Variants in FMN2 observed in about 807,000 individuals in gnomAD.
FMN2 encodes the protein formin-2.
In FMN2, 51 loss-of-function variants were observed where a neutral mutation model predicts 142.3. That is an observed-to-expected ratio of 0.36 (90% CI 0.29 to 0.45). FMN2 has a LOEUF of 0.45. Ranked by LOEUF, FMN2 falls within the 20% of genes least tolerant of loss-of-function variation. The probability of loss-of-function intolerance (pLI) is 1.00; values close to 1 mark genes in which losing one functional copy is unlikely to be tolerated. For synonymous variants in FMN2, 882 were observed against 869.8 expected, an observed-to-expected ratio of 1.01 and a Z score of -0.25; for missense variants, 1,936 against 2,122.8, an observed-to-expected ratio of 0.91 and a Z score of 1.73.
chr1:240,243,175 T>C (rs1300528144), intron 6 of FMN2, among the ~76,000 whole-genome samples: 1 of 152,160 alleles, frequency 6.6e-6, no homozygotes, highest in Non-Finnish European at 1.5e-5. Context: ...CCTCTTGCTC[T>C]GCAAAATCTC....
intron 4 of FMN2, among the ~76,000 whole-genome samples, chr1:240,193,684 C>T (rs1230725952): frequency 6.6e-6 from 1 of 152,254 alleles, no homozygotes; most frequent in East Asian, 1.9e-4. Context: ...CTTTCCTTCT[C>T]CCGGGCCTCC....
chr1:240,101,668 G>T (rs1458720692), intron 1 of FMN2, among the ~76,000 whole-genome samples: 1 of 151,328 alleles, frequency 6.6e-6, no homozygotes, highest in African/African-American at 2.4e-5. Context: ...TCAGCTTCCA[G>T]AATAGCTGGG....
In FMN2 at chr1:240,473,083, G is replaced by T. The variant is rs1676864327; in HGVS notation, c.5142+630G>T. On this transcript the variant is annotated intron_variant, in intron 17 of 17. Coordinates refer to ENST00000319653, the MANE Select transcript of FMN2 (RefSeq NM_020066.5). The surrounding 1 kb of genome is among the most constrained non-coding windows in gnomAD (Gnocchi z 4.3). ...TTGTTACACACAGATCACGGCAGAG[G>T]CTGTATTTGAGCCACGAGTGATCAT... Among the ~76,000 whole-genome samples the T allele has an allele frequency of 6.6e-6, 1 of 152,136 alleles. No homozygotes were observed. The highest frequency in any genetic ancestry group is 1.9e-4 in the East Asian group (1 of 5,202).
At chr1:240,205,077 G>C (rs1181646275) in intron 4 of FMN2, among the ~76,000 whole-genome samples, 1 of 152,096 alleles carries the variant, frequency 6.6e-6, no homozygotes, top group Non-Finnish European at 1.5e-5. Context: ...ATCAAGTCTG[G>C]AGTATAAGTG....
chr1:240,357,352 G>A (rs193163195), intron 14 of FMN2, among the ~76,000 whole-genome samples: 80 of 152,262 alleles, frequency 5.3e-4, no homozygotes, highest in African/African-American at 1.7e-3. Context: ...GCAATTTATA[G>A]ACCAGGCATT....
chr1:240,161,983 T>G (rs1289934895), intron 2 of FMN2, among the ~76,000 whole-genome samples: 2 of 151,940 alleles, frequency 1.3e-5, no homozygotes, highest in East Asian at 3.9e-4. Flanking sequence ...TGAAAGTAAA[T>G]GGGCTGGGTG....
chr1:240,347,669 G>GT (rs1221048001), intron 13 of FMN2, among the ~76,000 whole-genome samples: 1 of 152,114 alleles, frequency 6.6e-6, no homozygotes, highest in Admixed American at 6.6e-5. Context: ...CCAACAGGTA[G>GT]TTTTTCAGCT....
At chr1:240,447,042 G>T (rs1264949532) in intron 16 of FMN2, among the ~76,000 whole-genome samples, 3 of 152,194 alleles carry the variant, frequency 2.0e-5, no homozygotes, top group Admixed American at 6.5e-5. Flanking sequence ...GGAAGAGATT[G>T]CCTCCACCTA....
intron 13 of FMN2, among the ~76,000 whole-genome samples, chr1:240,336,636 C>G (rs2103023362): frequency 6.9e-6 from 1 of 145,262 alleles, no homozygotes; most frequent in Admixed American, 7.0e-5. Context: ...CACAGAATCT[C>G]TGGTGTGTTC....
intron 13 of FMN2, among the ~76,000 whole-genome samples, chr1:240,350,108 A>G (rs942630998): frequency 1.3e-5 from 2 of 152,194 alleles, no homozygotes; most frequent in Admixed American, 6.5e-5. Flanking sequence ...CATTGAGCAT[A>G]TTTATATGTG....
At chr1:240,173,407 T>C (rs1454234028) in intron 2 of FMN2, among the ~76,000 whole-genome samples, 4 of 152,140 alleles carry the variant, frequency 2.6e-5, no homozygotes, top group East Asian at 1.9e-4. Context: ...CATTAAGTGT[T>C]GAAATGTGGG....
intron 1 of FMN2, among the ~76,000 whole-genome samples, chr1:240,121,416 G>A (rs913982551): frequency 4.1e-5 from 6 of 146,894 alleles, no homozygotes; most frequent in Non-Finnish European, 7.5e-5. Context: ...TTGCTCTGTC[G>A]CTAGGCTGGA....
At chr1:240,185,058 C>A (rs112337582) in intron 3 of FMN2, among the ~76,000 whole-genome samples, 115 of 132,200 alleles carry the variant, frequency 8.7e-4, no homozygotes, top group East Asian at 1.8e-3. Context: ...CCCTCCTATA[C>A]CTTCCCCTTC....
At chr1:240,124,197 C>T (rs1045890718) in intron 2 of FMN2, among the ~76,000 whole-genome samples, 3 of 152,142 alleles carry the variant, frequency 2.0e-5, no homozygotes, top group Admixed American at 6.5e-5. Flanking sequence ...CTGTAATCAG[C>T]GATGATTCTA....
intron 14 of FMN2, among the ~76,000 whole-genome samples, chr1:240,385,354 G>C (rs934020277): frequency 6.6e-6 from 1 of 152,144 alleles, no homozygotes; most frequent in Non-Finnish European, 1.5e-5. Context: ...CCTGGTATTA[G>C]TAAGTATGTA....
At chr1:240,249,064 T>C (rs1263576604) in intron 6 of FMN2, among the ~76,000 whole-genome samples, 1 of 152,120 alleles carries the variant, frequency 6.6e-6, no homozygotes, top group African/African-American at 2.4e-5. Context: ...CTTTACTCTG[T>C]TGATTGTTTT....
At chr1:240,107,988 C>A (rs1661677050) in intron 1 of FMN2, among the ~76,000 whole-genome samples, 1 of 152,134 alleles carries the variant, frequency 6.6e-6, no homozygotes, top group Non-Finnish European at 1.5e-5. Context: ...TCAACTTCTT[C>A]AAAACAATTA....
chr1:240,377,784 T>C (rs1330155899), intron 14 of FMN2, among the ~76,000 whole-genome samples: 1 of 152,148 alleles, frequency 6.6e-6, no homozygotes, highest in Non-Finnish European at 1.5e-5. Context: ...TAATTCCATA[T>C]GCAATTTAAT....
intron 3 of FMN2, among the ~76,000 whole-genome samples, chr1:240,178,945 G>A (rs1347958237): frequency 4.6e-5 from 7 of 152,070 alleles, no homozygotes; most frequent in Admixed American, 4.6e-4. Flanking sequence ...TAGAGAGGAA[G>A]ACAGTCATTA....
Sources: gnomAD v4.1 joint callset for allele counts (sites outside exome capture counted in the v4.1 genomes callset) on GRCh38, gnomAD v4.1.1 for gene constraint, Gnocchi (gnomAD v3.1) non-coding constraint, MANE v1.5 for transcripts, NCBI Gene and HGNC (gene_info 2026-07-23, HGNC 2026-07-21) for gene names.